TPR: variants seen among roughly 807,000 people sequenced by gnomAD.
TPR encodes translocated promoter region, nuclear basket protein.
Under a neutral mutation model 316.1 loss-of-function variants are expected in TPR, and 51 were observed. That is an observed-to-expected ratio of 0.16 (90% CI 0.13 to 0.20). TPR has a LOEUF of 0.20. Among genes scored for constraint, TPR ranks in the 10% least tolerant of loss-of-function variants. The probability of loss-of-function intolerance (pLI) is 1.00; values close to 1 mark genes in which losing one functional copy is unlikely to be tolerated. For missense variants in TPR, 2,272 were observed against 2,754.8 expected, an observed-to-expected ratio of 0.82 and a Z score of 3.92; for synonymous variants, 981 against 914.7, an observed-to-expected ratio of 1.07 and a Z score of -1.31.
rs995631493 is a variant in TPR, at chr1:186,358,581, G to C, written c.1459C>G (p.Arg487Gly). 3 of 1,610,632 alleles carry C rather than the reference G, an allele frequency of 1.9e-6. No homozygotes were observed. Among genetic ancestry groups the C allele is most frequent in the African/African-American group, 2.7e-5 (2 of 74,648 alleles). ...TCTTTTACTTGTATTTCCATTCTTC[G>C]ATTATCTCTCTCAAGTACAGATGAT... Reference protein sequence around the residue: ...KQSSVLERDNRRMEIQVKDLS... With the variant: ...KQSSVLERDNGRMEIQVKDLS... Residue 487 changes from arginine to glycine, a missense_variant, in exon 13 of 51, where the codon CGA becomes GGA. Arg to Gly is a moderately radical substitution (Grantham distance 125). Coordinates refer to ENST00000367478, the MANE Select transcript of TPR (RefSeq NM_003292.3).
chr1:186,346,531 T>A (rs997396566), intron 22 of TPR, among the ~76,000 whole-genome samples: 6 of 152,160 alleles, frequency 3.9e-5, no homozygotes, highest in African/African-American at 1.4e-4. Context: ...AAATTTCCAA[T>A]CTCTCATTTC....
At position 186,352,485 on chromosome 1, in the gene TPR, T is replaced by C. The variant is rs141645225; in HGVS notation, c.2335-375A>G. ...GTAACTTTTAGAATCCAAGCCGGTT[T>C]CAAAGTACCTGTTTAAAAGTGATGA... On this transcript the variant is annotated intron_variant, in intron 18 of 50. Transcript: ENST00000367478. Among the ~76,000 whole-genome samples the C allele has an allele frequency of 4.8e-3, 725 of 152,332 alleles. 3 individuals are homozygous for C. Among genetic ancestry groups the C allele is most frequent in the Non-Finnish European group, 6.6e-3 (447 of 68,024 alleles).
chr1:186,316,531 A>G (rs2102047820), intron 49 of TPR, among the ~76,000 whole-genome samples: 1 of 152,348 alleles, frequency 6.6e-6, no homozygotes, highest in Middle Eastern at 3.4e-3. Context: ...ACCACTGTAA[A>G]CAATTAAAAA....
chr1:186,346,112 A>T, intron 23 of TPR, 23 bp downstream of exon 23: 1 of 1,562,514 alleles, frequency 6.4e-7, no homozygotes, highest in Non-Finnish European at 8.6e-7. Context: ...TAAAAAAAAA[A>T]TTAATACGGT....
At chr1:186,360,653 G>A in intron 10 of TPR, 112 bp downstream of exon 10, 1 of 1,382,320 alleles carries the variant, frequency 7.2e-7, no homozygotes, top group Non-Finnish European at 9.9e-7. Flanking sequence ...ATAACTCGAT[G>A]GAGTTTCCTA....
chr1:186,357,061 C>T (rs536969193), intron 14 of TPR, among the ~76,000 whole-genome samples: 131 of 152,012 alleles, frequency 8.6e-4, no homozygotes, highest in Non-Finnish European at 1.0e-3. Flanking sequence ...ATTTTTTTTG[C>T]GGGCAACAGG....
chr1:186,361,571 A>C, intron 9 of TPR, 51 bp downstream of exon 9: 1 of 1,578,384 alleles, frequency 6.3e-7, no homozygotes, highest in Non-Finnish European at 8.7e-7. Context: ...GGTAAAAAAA[A>C]AAAAAGAGTA....
intron 49 of TPR, among the ~76,000 whole-genome samples, chr1:186,316,706 T>C (rs1657622778): frequency 6.6e-6 from 1 of 152,200 alleles, no homozygotes; most frequent in African/African-American, 2.4e-5. Flanking sequence ...CGTTACTTAT[T>C]AGCTATTTGA....
At chr1:186,372,966 C>T (rs1462581433) in intron 2 of TPR, among the ~76,000 whole-genome samples, 37 of 152,136 alleles carry the variant, frequency 2.4e-4, no homozygotes, top group Non-Finnish European at 2.9e-5. Flanking sequence ...AAACAAGCCA[C>T]TCTCTACTTC....
Position 186,346,102 on chromosome 1 carries a change from T to TA in TPR, c.3096+32dup, listed in dbSNP as rs554979668. 3,079 of 1,442,438 alleles carry TA rather than the reference T, an allele frequency of 2.1e-3. 1 individual carries two copies. Among genetic ancestry groups the TA allele is most frequent in the Non-Finnish European group, 2.4e-3 (2,539 of 1,068,780 alleles). The allele number at this position is 1,442,438 out of a possible 1,614,324, so 89.4% of individuals were successfully genotyped here. A position where few individuals can be genotyped will look rare whatever the true frequency, so the allele number is the denominator to read the frequency against. ...TGAAAGAATTCAAATCCTTACAAGT[T>TA]AAAAAAAAAATTAATACGGTTAACC... On this transcript the variant is annotated intron_variant, in intron 23 of 50. Coordinates refer to ENST00000367478, the MANE Select transcript of TPR (RefSeq NM_003292.3).
intron 29 of TPR, among the ~76,000 whole-genome samples, chr1:186,340,322 C>T (rs1433588886): frequency 6.6e-6 from 1 of 152,160 alleles, no homozygotes; most frequent in Non-Finnish European, 1.5e-5. Context: ...GAATAAAGGG[C>T]TGGAGTTTCG....
chr1:186,322,998 T>A (rs1369773568), intron 43 of TPR, among the ~76,000 whole-genome samples: 1 of 152,236 alleles, frequency 6.6e-6, no homozygotes, highest in East Asian at 1.9e-4. Flanking sequence ...TATATTTTTG[T>A]AGCCTCCATA....
In TPR at chr1:186,357,543, T is replaced by G; in HGVS notation, c.1578A>C (p.Ile526=). The part of the protein sequence containing the change: ...IRDEEVSSAD[I]SSSSEVISQH... Reference sequence around the variant, plus strand: ...GTGATATTACCTCAGATGAACTACTTATATCAGCAGAGCTTACTTCCTCAT... The same window carrying G: ...GTGATATTACCTCAGATGAACTACTGATATCAGCAGAGCTTACTTCCTCAT... Residue 526 remains isoleucine (I), a synonymous_variant, in exon 14 of 51, where the codon ATA becomes ATC. Coordinates refer to ENST00000367478, the MANE Select transcript of TPR (RefSeq NM_003292.3). The G allele has an allele frequency of 3.1e-6, 5 of 1,614,124 alleles. No homozygotes were observed. Among genetic ancestry groups the G allele is most frequent in the Non-Finnish European group, 4.2e-6 (5 of 1,180,018 alleles).
chr1:186,353,721 C>G lies in TPR; in HGVS notation c.2301G>C (p.Leu767Phe). ...CAGCTAGCTTCTCATTTGCTCCTCT[C>G]AAATCTTGAGTCATCGTATTGATAA... ...EQIINTMTQDLRGANEKLAVA... is the reference protein window; with the variant it reads ...EQIINTMTQDFRGANEKLAVA... Residue 767 changes from leucine to phenylalanine, a missense_variant, in exon 18 of 51, where the codon TTG becomes TTC. By Grantham distance (22) the Leu-to-Phe change is conservative (BLOSUM62 0). Transcript: ENST00000367478. 1 of 1,614,060 alleles carries G rather than the reference C, an allele frequency of 6.2e-7. No individual in the cohort carries two copies. Among genetic ancestry groups the G allele is most frequent in the Non-Finnish European group, 8.5e-7 (1 of 1,180,006 alleles).
intron 49 of TPR, among the ~76,000 whole-genome samples, chr1:186,316,697 G>A (rs891026835): frequency 6.6e-6 from 1 of 152,250 alleles, no homozygotes; most frequent in South Asian, 2.1e-4. Flanking sequence ...TTGCTTGTCC[G>A]TTACTTATTA....
At chr1:186,338,339 CTTTT>C in intron 30 of TPR, 96 bp from the exon 31 acceptor site, 1 of 958,086 alleles carries the variant, frequency 1.0e-6, no homozygotes. Context: ...GCTTTAATAA[CTTTT>C]TTTTTTGAAA....
intron 21 of TPR, among the ~76,000 whole-genome samples, chr1:186,347,897 T>G (rs545052190): frequency 6.6e-6 from 1 of 152,326 alleles, no homozygotes; most frequent in African/African-American, 2.4e-5. Context: ...CTTTTATAAT[T>G]TCTTATGCCT....
intron 4 of TPR, among the ~76,000 whole-genome samples, chr1:186,365,240 C>T (rs1002693838): frequency 3.3e-5 from 5 of 151,792 alleles, no homozygotes; most frequent in Middle Eastern, 3.4e-3. Context: ...GGATTACAGG[C>T]GCCTACCACC....
intron 1 of TPR, among the ~76,000 whole-genome samples, chr1:186,373,979 C>G (rs1457411469): frequency 6.6e-6 from 1 of 152,136 alleles, no homozygotes; most frequent in Non-Finnish European, 1.5e-5. Context: ...GTAAGACATT[C>G]AATATTTATG....
Sources: allele counts gnomAD v4.1 joint callset (sites outside exome capture counted in the v4.1 genomes callset), GRCh38; gene constraint gnomAD v4.1.1; transcripts MANE v1.5; gene names NCBI Gene and HGNC (gene_info 2026-07-23, HGNC 2026-07-21).